STX12: variants seen among roughly 807,000 people sequenced by gnomAD.
The protein encoded by STX12 is syntaxin-12.
STX12 carries 17 observed loss-of-function variants against 42.2 expected under a neutral mutation model. The ratio of observed to expected loss-of-function variants is 0.40; its 90% CI spans 0.28 to 0.60. The LOEUF (loss-of-function observed/expected upper bound fraction) is 0.60. STX12 is among the 20% of genes least tolerant of loss of function. The probability of loss-of-function intolerance (pLI) is 0.39; values close to 1 mark genes in which losing one functional copy is unlikely to be tolerated. For missense variants in STX12, 297 were observed against 330.9 expected, an observed-to-expected ratio of 0.90 and a Z score of 0.79; for synonymous variants, 108 against 116.7, an observed-to-expected ratio of 0.93 and a Z score of 0.48.
intron 6 of STX12, among the ~76,000 whole-genome samples, chr1:27,812,697 TC>T (rs1040951678): frequency 1.3e-4 from 20 of 152,298 alleles, no homozygotes; most frequent in African/African-American, 4.8e-4. Context: ...CTCATCGGCC[TC>T]CCAAAGTGCT....
rs902674833 is a variant in STX12, at chr1:27,824,267, A to G, written c.*1938A>G. On this transcript the variant is annotated 3_prime_UTR_variant, in exon 9 of 9. Transcript: ENST00000373943. ...GTCTTGGTTGTGAAAAACGATTTGC[A>G]TTTGGGTAAAATAAAGTGACCATGC... The G allele has an allele frequency of 2.0e-5, 3 of 152,188 alleles. No homozygotes were observed. The highest frequency in any genetic ancestry group is 7.2e-5 in the African/African-American group (3 of 41,454). 9.4% of individuals were successfully genotyped at this position (152,188 alleles called of 1,614,324 possible). A position where few individuals can be genotyped will look rare whatever the true frequency, so the allele number is the denominator to read the frequency against.
intron 6 of STX12, among the ~76,000 whole-genome samples, 197 bp from the exon 7 acceptor site, chr1:27,817,654 T>C: frequency 6.6e-6 from 1 of 152,212 alleles, no homozygotes; most frequent in East Asian, 1.9e-4. Flanking sequence ...TTAATGTTGC[T>C]TGAAGAGTGA....
intron 1 of STX12, among the ~76,000 whole-genome samples, chr1:27,788,019 A>G (rs1382446917): frequency 1.3e-5 from 2 of 152,166 alleles, no homozygotes; most frequent in Non-Finnish European, 2.9e-5. Flanking sequence ...TGAAACTGGC[A>G]TTAATCCAGA....
At chr1:27,816,416 G>A (rs1418966091) in intron 6 of STX12, among the ~76,000 whole-genome samples, 2 of 152,124 alleles carry the variant, frequency 1.3e-5, no homozygotes, top group East Asian at 3.9e-4. Flanking sequence ...GGAGGTTGCA[G>A]GGAGTTGAGA....
At chr1:27,818,633 CTT>C (rs201465138) in intron 7 of STX12, among the ~76,000 whole-genome samples, 3 of 143,190 alleles carry the variant, frequency 2.1e-5, no homozygotes, top group Non-Finnish European at 1.5e-5. Context: ...GTTAGTAACC[CTT>C]TTTTTTTTTT....
intron 1 of STX12, among the ~76,000 whole-genome samples, chr1:27,776,613 A>T (rs1201977411): frequency 6.6e-6 from 1 of 152,208 alleles, no homozygotes; most frequent in East Asian, 1.9e-4. Flanking sequence ...GCTACTCAGG[A>T]GGCTGAGGCT....
intron 4 of STX12, among the ~76,000 whole-genome samples, chr1:27,807,534 A>G (rs2088871563): frequency 1.3e-5 from 2 of 152,368 alleles, no homozygotes; most frequent in South Asian, 4.1e-4. Context: ...GGAGGGCAGA[A>G]GTTTAAAATT....
chr1:27,774,590 C>G (rs1174056482), intron 1 of STX12, among the ~76,000 whole-genome samples: 1 of 152,078 alleles, frequency 6.6e-6, no homozygotes, highest in African/African-American at 2.4e-5. Flanking sequence ...AACCCCTGGG[C>G]ACAAGCACTT....
intron 4 of STX12, among the ~76,000 whole-genome samples, chr1:27,806,929 T>C (rs1216784634): frequency 6.6e-6 from 1 of 152,130 alleles, no homozygotes; most frequent in African/African-American, 2.4e-5. Flanking sequence ...CACTAACACG[T>C]GAACACTAAC....
intron 5 of STX12, chr1:27,811,869 GC>G (rs1388766630): frequency 9.4e-5 from 42 of 448,408 alleles, no homozygotes; most frequent in Admixed American, 1.4e-4. Context: ...TGTCTGGCAA[GC>G]CCCAGTGAGA....
intron 1 of STX12, among the ~76,000 whole-genome samples, chr1:27,776,328 A>G (rs1349006282): frequency 6.6e-6 from 1 of 152,234 alleles, no homozygotes; most frequent in Non-Finnish European, 1.5e-5. Flanking sequence ...AAGAAAGGTT[A>G]AATAGTTGCC....
chr1:27,779,374 C>A (rs1013285348), intron 1 of STX12, among the ~76,000 whole-genome samples: 1 of 150,438 alleles, frequency 6.6e-6, no homozygotes, highest in African/African-American at 2.5e-5. Flanking sequence ...CACTCTGTCG[C>A]CCAGGCTGGA....
Position 27,773,237 on chromosome 1 carries a change from C to T in STX12, c.-71C>T, listed in dbSNP as rs555354292. 1.2e-5 allele frequency: 12 copies of T among 1,025,206 alleles called. No individual in the cohort carries two copies. The highest frequency in any genetic ancestry group is 6.6e-5 in the Admixed American group (3 of 45,224). The allele number at this position is 1,025,206 out of a possible 1,614,324, so 63.5% of individuals were successfully genotyped here. ...TGCTCTTCCCAGTTTCTCCGTCAGCCTGCGGGTCCCGGCTGGCGGCTGCTT... is the reference window on the plus strand; with the variant it reads ...TGCTCTTCCCAGTTTCTCCGTCAGCTTGCGGGTCCCGGCTGGCGGCTGCTT... On this transcript the variant is annotated 5_prime_UTR_variant, in exon 1 of 9. Coordinates refer to ENST00000373943, the MANE Select transcript of STX12 (RefSeq NM_177424.3).
Position 27,782,288 on chromosome 1 carries a change from C to T in STX12, c.119-7274C>T, listed in dbSNP as rs563545857. On this transcript the variant is annotated intron_variant, in intron 1 of 8. Coordinates refer to ENST00000373943, the MANE Select transcript of STX12 (RefSeq NM_177424.3). ...GTAATTTTTTAATTTTTTGTAGAGA[C>T]GGGCTCACTTTGTTGCCCAGGCTGG... 1.6e-4 allele frequency among the ~76,000 whole-genome samples: 24 copies of T among 152,108 alleles called. 1 individual carries two copies. Among genetic ancestry groups the T allele is most frequent in the East Asian group, 1.4e-3 (7 of 5,170 alleles).
chr1:27,795,058 A>G (rs2088774541), intron 3 of STX12, among the ~76,000 whole-genome samples: 1 of 152,074 alleles, frequency 6.6e-6, no homozygotes, highest in African/African-American at 2.4e-5. Flanking sequence ...GTTTTAAATG[A>G]TAATGTCCTA....
At chr1:27,816,319 A>C (rs999766358) in intron 6 of STX12, among the ~76,000 whole-genome samples, 9 of 151,744 alleles carry the variant, frequency 5.9e-5, no homozygotes, top group Non-Finnish European at 1.2e-4. Flanking sequence ...ACCTCAGAAA[A>C]AAAAAATAGC....
rs78434122 is a variant in STX12, at chr1:27,796,389, G to A, written c.288+2757G>A. 5.2e-3 allele frequency among the ~76,000 whole-genome samples: 785 copies of A among 152,006 alleles called. 7 individuals carry two copies. The highest frequency in any genetic ancestry group is 0.014 in the Middle Eastern group (4 of 294). ...CAGTGGCTTTTGAGGTTTTTTGTTC[G>A]TTTGTTTGAGACAGGGTCTCACTCA... On this transcript the variant is annotated intron_variant, in intron 3 of 8. Transcript: ENST00000373943.
chr1:27,774,669 G>T lies in STX12; in HGVS notation c.118+1244G>T, dbSNP rs912895403. 1.8e-4 allele frequency among the ~76,000 whole-genome samples: 24 copies of T among 130,450 alleles called. No homozygotes were observed. The South Asian group carries it at 2.9e-3, about 16-fold the overall frequency. 85.6% of individuals were successfully genotyped at this position (130,450 alleles called of 152,430 possible). A position where few individuals can be genotyped will look rare whatever the true frequency, so the allele number is the denominator to read the frequency against. ...CCACTGTGCCTAGCCTAATTTTTTT[G>T]ATTTAAAATATTTTTAATTTATTTT... is the stretch of plus-strand genomic sequence containing the variant. On this transcript the variant is annotated intron_variant, in intron 1 of 8. Coordinates refer to ENST00000373943, the MANE Select transcript of STX12 (RefSeq NM_177424.3).
At chr1:27,821,734 C>T (rs138329757) in intron 8 of STX12, among the ~76,000 whole-genome samples, 3 of 152,184 alleles carry the variant, frequency 2.0e-5, no homozygotes, top group East Asian at 1.9e-4. Context: ...CTATACTACT[C>T]GGCTGGGTGC....
Sources: allele counts gnomAD v4.1 joint callset (sites outside exome capture counted in the v4.1 genomes callset), GRCh38; gene constraint gnomAD v4.1.1; transcripts MANE v1.5; gene names NCBI Gene and HGNC (gene_info 2026-07-23, HGNC 2026-07-21).